TULP1: variants seen among roughly 807,000 people sequenced by gnomAD.
The protein encoded by TULP1 is tubby-related protein 1.
A neutral mutation model predicts 67.1 loss-of-function variants in TULP1; 50 were observed. The observed-to-expected ratio is 0.75, with a 90% CI of 0.59 to 0.94. The LOEUF is 0.94. Among genes scored for constraint, TULP1 ranks in the 40% least tolerant of loss-of-function variants. The pLI is 0.00. For missense variants in TULP1, 746 were observed against 734.1 expected (o/e 1.02, Z -0.19); for synonymous variants, 297 against 294.0 (o/e 1.01, Z -0.11).
rs1273033018 is a variant in TULP1 at position 35,511,657 on chromosome 6, C to T, written c.340G>A (p.Ala114Thr). 14 of 1,594,612 alleles carry T rather than the reference C, an allele frequency of 8.8e-6. No homozygotes were observed. Among genetic ancestry groups the T allele is most frequent in the Non-Finnish European group, 1.0e-5 (12 of 1,170,212 alleles). Residue 114 changes from alanine to threonine, a missense_variant, in exon 4 of 15, where the codon GCG (alanine) becomes ACG (threonine). Transcript: ENST00000229771. ...TGGGGCCCTCTCTCACCGTCCTCCG[C>T]GTCTGGGGCACGGGCTACCAGAAAG... is the stretch of plus-strand genomic sequence containing the variant. Reference protein sequence around the residue: ...ETFLVARAPDAEDEEEEEEED... With the variant: ...ETFLVARAPDTEDEEEEEEED...
intron 5 of TULP1, 78 bp downstream of exon 5, chr6:35,510,783 C>G: frequency 6.2e-7 from 1 of 1,607,076 alleles, no homozygotes; most frequent in Non-Finnish European, 8.5e-7. Context: ...ATCGCTGTGT[C>G]TCAGTGAGAC....
At chr6:35,501,627 C>T (rs983393667) in intron 13 of TULP1, among the ~76,000 whole-genome samples, 2 of 151,470 alleles carry the variant, frequency 1.3e-5, no homozygotes, top group Non-Finnish European at 2.9e-5. Flanking sequence ...ACCTGGCCAT[C>T]ATGGCAAAAC....
chr6:35,501,509 GAAAA>G (rs67875217), intron 13 of TULP1, among the ~76,000 whole-genome samples: 2 of 88,778 alleles, frequency 2.3e-5, no homozygotes, highest in African/African-American at 1.0e-4. Flanking sequence ...CTCGGTCTCA[GAAAA>G]AAAAAAAAAA....
intron 5 of TULP1, 61 bp downstream of exon 5, chr6:35,510,800 C>G (rs948104396): frequency 2.4e-5 from 38 of 1,609,622 alleles, no homozygotes; most frequent in Non-Finnish European, 3.1e-5. Context: ...AGACGCCAAG[C>G]CCTCCAAGGA....
chr6:35,511,820 C>T lies in TULP1; in HGVS notation c.191-14G>A, dbSNP rs761648903. ...CCGTCCGCCCAGCTGAGCCGAGATG[C>T]GGGGTTCAGACAGGGTCCCATCCGC... On this transcript the variant is annotated splice_polypyrimidine_tract_variant and intron_variant, in intron 3 of 14. Transcript: ENST00000229771. 3 of 1,537,352 alleles carry T rather than the reference C, an allele frequency of 2.0e-6. No individual in the cohort carries two copies. Among genetic ancestry groups the T allele is most frequent in the East Asian group, 2.4e-5 (1 of 41,228 alleles).
Position 35,509,208 on chromosome 6 carries a change from C to T in TULP1, c.822+1G>A, listed in dbSNP as rs1256961949. 1.9e-6 allele frequency: 3 copies of T among 1,613,766 alleles called. No individual in the cohort carries two copies. The highest frequency in any genetic ancestry group is 2.5e-6 in the Non-Finnish European group (3 of 1,179,812). On this transcript the variant is annotated splice_donor_variant, in intron 8 of 14. Coordinates refer to ENST00000229771, the MANE Select transcript of TULP1 (RefSeq NM_003322.6). LOFTEE classifies it high-confidence loss of function. ...AGCCCCCTGCCCCTCTGGGCCCCAACCTTTTTGCCTTTTCCTTTGGCTTTG... is the reference window on the plus strand; with the variant it reads ...AGCCCCCTGCCCCTCTGGGCCCCAATCTTTTTGCCTTTTCCTTTGGCTTTG...
At chr6:35,510,039 G>T in intron 5 of TULP1, 111 bp from the exon 6 acceptor site, 1 of 975,366 alleles carries the variant, frequency 1.0e-6, no homozygotes. Flanking sequence ...AAGCTTGACA[G>T]GGGCCCACAG....
chr6:35,508,827 C>T (rs189907326), intron 8 of TULP1, among the ~76,000 whole-genome samples: 3 of 152,240 alleles, frequency 2.0e-5, no homozygotes, highest in Admixed American at 1.3e-4. Context: ...AGGGTGGAAA[C>T]ATTTTAACAA....
At position 35,511,016 on chromosome 6, in the gene TULP1, G is replaced by A. The variant is rs201024550; in HGVS notation, c.350-6C>T. 5.6e-6 allele frequency: 9 copies of A among 1,604,144 alleles called. No homozygotes were observed. Among genetic ancestry groups the A allele is most frequent in the Non-Finnish European group, 8.5e-7 (1 of 1,179,982 alleles). On this transcript the variant is annotated splice_region_variant and splice_polypyrimidine_tract_variant and intron_variant, in intron 4 of 14. Coordinates refer to ENST00000229771, the MANE Select transcript of TULP1 (RefSeq NM_003322.6). ...CTCCTCTTCCTCCTCCTCCTCTGCA[G>A]GTAGAAACTCTTCATAATGGGGGTT...
chr6:35,503,411 A>G lies in TULP1; in HGVS notation c.1323+148T>C. ...TGGTTTTTCAGTGAATTCAATTACA[A>G]AAAGCCCAAGTCCATTCCCTAGGTG... On this transcript the variant is annotated intron_variant, in intron 13 of 14. Transcript: ENST00000229771. The surrounding 1 kb of genome is among the most constrained non-coding windows in gnomAD (Gnocchi z 4.0). 2.5e-6 allele frequency: 2 copies of G among 809,524 alleles called. No homozygotes were observed. The highest frequency in any genetic ancestry group is 3.9e-6 in the Non-Finnish European group (2 of 513,392). The allele number at this position is 809,524 out of a possible 1,614,324, so 50.1% of individuals were successfully genotyped here.
intron 5 of TULP1, 37 bp from the exon 6 acceptor site, chr6:35,509,965 T>C (rs1288938115): frequency 1.9e-6 from 3 of 1,602,084 alleles, no homozygotes; most frequent in Non-Finnish European, 2.6e-6. Context: ...AAAGAAGGTG[T>C]CTACTGGGGC....
rs1761235393 is a variant in TULP1, at chr6:35,512,663, C to T, written c.75G>A (p.Pro25=). The change falls in exon 2 of 15, where the codon CCG becomes CCA. Residue 25 remains proline (P), a synonymous_variant. Transcript: ENST00000229771. ...DSGHEEESLS[P]EAPRRPKQRP... ...CCTGTTTGGGGCGCCGCGGGGCCTC[C>T]GGGCTCAGGCTTTCTTCTTCATGCC... 1.9e-6 allele frequency: 3 copies of T among 1,614,062 alleles called. No individual in the cohort carries two copies. The highest frequency in any genetic ancestry group is 2.2e-5 in the South Asian group (2 of 91,080).
At chr6:35,506,335 CG>C in intron 8 of TULP1, 56 bp from the exon 9 acceptor site, 2 of 1,548,690 alleles carry the variant, frequency 1.3e-6, no homozygotes, top group South Asian at 2.4e-5. Context: ...TCCCTGGAGG[CG>C]GGGAAGCCAC....
intron 11 of TULP1, among the ~76,000 whole-genome samples, chr6:35,504,818 A>G (rs890355415): frequency 6.6e-6 from 1 of 151,450 alleles, no homozygotes; most frequent in African/African-American, 2.4e-5. Context: ...CGCCCGCCTC[A>G]GCCTCCCAAA....
intron 14 of TULP1, among the ~76,000 whole-genome samples, chr6:35,499,482 G>C (rs1219268939): frequency 6.6e-6 from 1 of 152,206 alleles, no homozygotes; most frequent in Non-Finnish European, 1.5e-5. Context: ...GGGATTTAAT[G>C]ATTCAGTTAT....
chr6:35,510,292 G>A (rs1430822444), intron 5 of TULP1, among the ~76,000 whole-genome samples: 4 of 152,176 alleles, frequency 2.6e-5, no homozygotes, highest in Non-Finnish European at 5.9e-5. Context: ...CAAAGACCAG[G>A]AGCTTAACAA....
chr6:35,503,822 G>A lies in TULP1; in HGVS notation c.1139C>T (p.Thr380Met), dbSNP rs750974590. 6.2e-6 allele frequency: 10 copies of A among 1,611,670 alleles called. No individual in the cohort carries two copies. Among genetic ancestry groups the A allele is most frequent in the Non-Finnish European group, 7.6e-6 (9 of 1,179,674 alleles). ...LRSNLLGNRF[T>M]VFDNGQNPQR... Reference sequence around the variant, plus strand: ...TGGGTTCTGCCCGTTGTCAAAGACCGTGAAGCGGTTCCCCAGGAGGTTGGA... The same window carrying A: ...TGGGTTCTGCCCGTTGTCAAAGACCATGAAGCGGTTCCCCAGGAGGTTGGA... The change falls in exon 12 of 15, where the codon ACG becomes ATG. Residue 380 changes from threonine (T) to methionine (M), a missense_variant. Around this residue, in one of 3 missense-constraint regions of TULP1, gnomAD observed 383 missense variants for 374.1 expected, o/e 1.02. Coordinates refer to ENST00000229771, the MANE Select transcript of TULP1 (RefSeq NM_003322.6). This position sits in a 1 kb window ranked among gnomAD's most constrained non-coding sequence, Gnocchi z 4.0.
chr6:35,499,821 G>A (rs73415628), intron 14 of TULP1, among the ~76,000 whole-genome samples, 160 bp downstream of exon 14: 3,553 of 152,300 alleles, frequency 0.023, 107 homozygotes, highest in African/African-American at 0.077. Flanking sequence ...TGAGAGCACA[G>A]TGTCAGTGCC....
intron 11 of TULP1, 188 bp downstream of exon 11, chr6:35,505,553 A>G: frequency 6.7e-7 from 1 of 1,501,720 alleles, no homozygotes; most frequent in Non-Finnish European, 8.9e-7. Flanking sequence ...GGCCCACCCC[A>G]CACACTCAAC....
Sources: gnomAD v4.1 joint callset for allele counts (sites outside exome capture counted in the v4.1 genomes callset) on GRCh38, gnomAD v4.1.1 for gene constraint, gnomAD v4.1.1 regional missense constraint, Gnocchi (gnomAD v3.1) non-coding constraint, MANE v1.5 for transcripts, NCBI Gene and HGNC (gene_info 2026-07-23, HGNC 2026-07-21) for gene names.